CACNA2D3: variants seen among roughly 807,000 people sequenced by gnomAD.
The protein encoded by CACNA2D3 is voltage-dependent calcium channel subunit alpha-2/delta-3.
In CACNA2D3, 60 loss-of-function variants were observed where a neutral mutation model predicts 160.6. That is an observed-to-expected ratio of 0.37 (90% CI 0.30 to 0.46). The LOEUF (loss-of-function observed/expected upper bound fraction) is 0.46. CACNA2D3 is among the 20% of genes least tolerant of loss of function. CACNA2D3 has a pLI of 1.00. For missense variants in CACNA2D3, 1,205 were observed against 1,365.0 expected (o/e 0.88, Z 1.85); for synonymous variants, 558 against 492.9 (o/e 1.13, Z -1.75).
chr3:54,433,073 A>C (rs1700012273), intron 4 of CACNA2D3, among the ~76,000 whole-genome samples: 1 of 152,230 alleles, frequency 6.6e-6, no homozygotes, highest in Non-Finnish European at 1.5e-5. Flanking sequence ...GCAAAAAATG[A>C]ACACACATCT....
Position 54,770,724 on chromosome 3 carries a change from A to G in CACNA2D3, c.1380+6373A>G, listed in dbSNP as rs879490661. ...GTCTGTTCCCCATGCTTGAGTTGCA[A>G]GCTTACTTGAAGTCAGTTGTCTTCA... On this transcript the variant is annotated intron_variant, in intron 13 of 37. Transcript: ENST00000474759. Among the ~76,000 whole-genome samples the G allele has an allele frequency of 2.0e-5, 3 of 152,202 alleles. No individual in the cohort carries two copies. The South Asian group carries it at 6.2e-4, about 31-fold the overall frequency.
chr3:54,773,924 T>C lies in CACNA2D3; in HGVS notation c.1380+9573T>C, dbSNP rs939054233. Among the ~76,000 whole-genome samples the C allele has an allele frequency of 3.9e-5, 6 of 152,332 alleles. No individual in the cohort carries two copies. The South Asian group carries it at 1.2e-3, about 32-fold the overall frequency. On this transcript the variant is annotated intron_variant, in intron 13 of 37. Coordinates refer to ENST00000474759, the MANE Select transcript of CACNA2D3 (RefSeq NM_018398.3). ...GCTAAAAATGAAAATGATTTCTAGATTTCAGGTGTTTATTGTTGTTTCTGC... is the reference window on the plus strand; with the variant it reads ...GCTAAAAATGAAAATGATTTCTAGACTTCAGGTGTTTATTGTTGTTTCTGC...
chr3:55,064,165 C>T (rs1704579858), intron 35 of CACNA2D3, among the ~76,000 whole-genome samples: 1 of 152,242 alleles, frequency 6.6e-6, no homozygotes, highest in Non-Finnish European at 1.5e-5. Flanking sequence ...GTGCTGTGTC[C>T]TGGCTGGAGG....
At chr3:54,508,269 G>A (rs150505486) in intron 5 of CACNA2D3, among the ~76,000 whole-genome samples, 1 of 152,332 alleles carries the variant, frequency 6.6e-6, no homozygotes, top group Non-Finnish European at 1.5e-5. Flanking sequence ...GTGAAATATG[G>A]CTGACAGCTT....
chr3:54,179,836 G>C (rs903536157), intron 2 of CACNA2D3, among the ~76,000 whole-genome samples: 3 of 152,078 alleles, frequency 2.0e-5, no homozygotes, highest in African/African-American at 7.2e-5. Flanking sequence ...ACTTGATCTT[G>C]GGCTTTGAGC....
rs144524341 is a variant in CACNA2D3, at chr3:55,011,065, C to T, written c.2875+1622C>T. On this transcript the variant is annotated intron_variant, in intron 34 of 37. Coordinates refer to ENST00000474759, the MANE Select transcript of CACNA2D3 (RefSeq NM_018398.3). The stretch of plus-strand genomic sequence containing the variant: ...TGGCTTTGTAACTTACACATAGGCT[C>T]GTTTTGCCGGAATCCAGGAACTCTC... Among the ~76,000 whole-genome samples, 469 of 152,326 alleles carry T rather than the reference C, an allele frequency of 3.1e-3. 8 individuals are homozygous for T. The highest frequency in any genetic ancestry group is 9.6e-4 in the Non-Finnish European group (65 of 68,028).
At chr3:54,971,946 C>G (rs955679252) in intron 29 of CACNA2D3, among the ~76,000 whole-genome samples, 12 of 152,040 alleles carry the variant, frequency 7.9e-5, no homozygotes, top group Admixed American at 2.6e-4. Flanking sequence ...AAGACATGAA[C>G]AATGCATGGT....
chr3:54,722,702 G>C (rs1701191926), intron 11 of CACNA2D3, among the ~76,000 whole-genome samples: 2 of 152,152 alleles, frequency 1.3e-5, no homozygotes, highest in African/African-American at 2.4e-5. Flanking sequence ...GACCCTGTTT[G>C]CCTGGGTATC....
At chr3:54,478,521 A>G (rs190463772) in intron 4 of CACNA2D3, among the ~76,000 whole-genome samples, 1 of 151,334 alleles carries the variant, frequency 6.6e-6, no homozygotes, top group African/African-American at 2.4e-5. Context: ...AGTCCCAGCT[A>G]TTAGGGAGGC....
chr3:54,149,109 A>G (rs1033326490), intron 2 of CACNA2D3, among the ~76,000 whole-genome samples: 2 of 152,068 alleles, frequency 1.3e-5, no homozygotes, highest in Non-Finnish European at 2.9e-5. Context: ...GAACTGCAGA[A>G]TGTGCACTGG....
rs765119630 is a variant in CACNA2D3 at position 54,416,539 on chromosome 3, C to CACAACA, written c.381+29766_381+29767insCAACAA. On this transcript the variant is annotated intron_variant, in intron 4 of 37. Transcript: ENST00000474759. ...TCAGAGTTGTGAATTGTTAGTAATTCATGAAGTTGTCATCTGTTTATTTCA... is the reference window on the plus strand; with the variant it reads ...TCAGAGTTGTGAATTGTTAGTAATTCACAACAATGAAGTTGTCATCTGTTTATTTCA... Among the ~76,000 whole-genome samples, 49 of 152,106 alleles carry CACAACA rather than the reference C, an allele frequency of 3.2e-4. 1 individual carries two copies. The highest frequency in any genetic ancestry group is 5.1e-4 in the Non-Finnish European group (35 of 68,014).
At chr3:54,762,904 A>C (rs1008882932) in intron 12 of CACNA2D3, among the ~76,000 whole-genome samples, 4 of 152,064 alleles carry the variant, frequency 2.6e-5, no homozygotes, top group Non-Finnish European at 5.9e-5. Context: ...GTCCTAGCTA[A>C]CACGGTGAAA....
At chr3:54,572,054 A>G (rs1702507205) in intron 8 of CACNA2D3, among the ~76,000 whole-genome samples, 1 of 144,960 alleles carries the variant, frequency 6.9e-6, no homozygotes, top group East Asian at 2.0e-4. Context: ...TCATGGATGG[A>G]GCCTTATGAC....
chr3:54,990,539 A>G (rs1023384822), intron 31 of CACNA2D3, among the ~76,000 whole-genome samples: 11 of 152,150 alleles, frequency 7.2e-5, no homozygotes, highest in African/African-American at 2.4e-4. Flanking sequence ...TCAAACAAAA[A>G]AAAGAAAGAA....
chr3:54,879,463 T>G (rs1699741531), intron 20 of CACNA2D3, 52 bp downstream of exon 20: 1 of 1,328,104 alleles, frequency 7.5e-7, no homozygotes, highest in Non-Finnish European at 1.1e-6. Flanking sequence ...CAGTTGTGTT[T>G]GTACAAAACC....
intron 32 of CACNA2D3, among the ~76,000 whole-genome samples, chr3:55,007,253 C>A (rs1466971385): frequency 6.6e-6 from 1 of 152,152 alleles, no homozygotes; most frequent in African/African-American, 2.4e-5. Context: ...ATATGGTTAT[C>A]ATTTTCTTCA....
At chr3:54,843,842 G>C (rs1698874907) in intron 16 of CACNA2D3, among the ~76,000 whole-genome samples, 2 of 152,182 alleles carry the variant, frequency 1.3e-5, no homozygotes, top group African/African-American at 4.8e-5. Context: ...GTTTCTAACT[G>C]GGGAGTCTGT....
intron 4 of CACNA2D3, among the ~76,000 whole-genome samples, chr3:54,387,377 TGTG>T (rs922699758): frequency 1.3e-5 from 2 of 152,014 alleles, no homozygotes; most frequent in African/African-American, 4.8e-5. Flanking sequence ...TCCAGCTGGG[TGTG>T]GTGGCTCATG....
intron 24 of CACNA2D3, 32 bp from the exon 25 acceptor site, chr3:54,891,323 G>T (rs536430779): frequency 6.8e-7 from 1 of 1,475,642 alleles, no homozygotes; most frequent in East Asian, 2.3e-5. Context: ...CTGTCTAGAG[G>T]CCTCCCCCTG....
Sources: allele counts gnomAD v4.1 joint callset (sites outside exome capture counted in the v4.1 genomes callset), GRCh38; gene constraint gnomAD v4.1.1; transcripts MANE v1.5; gene names NCBI Gene and HGNC (gene_info 2026-07-23, HGNC 2026-07-21).